ATP8A2: variants seen among roughly 807,000 people sequenced by gnomAD.
ATP8A2 encodes ATPase phospholipid transporting 8A2.
In ATP8A2, 100 loss-of-function variants were observed where a neutral mutation model predicts 165.6. The ratio of observed to expected loss-of-function variants is 0.60; its 90% CI spans 0.51 to 0.71. ATP8A2 has a LOEUF of 0.71. Ranked by LOEUF, ATP8A2 falls within the 30% of genes least tolerant of loss-of-function variation. ATP8A2 has a pLI of 0.00. For synonymous variants in ATP8A2, 543 were observed against 548.8 expected, an observed-to-expected ratio of 0.99 and a Z score of 0.15; for missense variants, 1,227 against 1,479.5, an observed-to-expected ratio of 0.83 and a Z score of 2.80.
chr13:25,868,650 G>A lies in ATP8A2; in HGVS notation c.3183+6242G>A, dbSNP rs616613. ...CATCTGAATGCAAAGCACAATGAGC[G>A]AAGTTAAGACAGTACCGACTTCCTG... On this transcript the variant is annotated intron_variant, in intron 33 of 36. Transcript: ENST00000381655. Among the ~76,000 whole-genome samples the A allele has an allele frequency of 4.1e-3, 619 of 152,278 alleles. 1 individual carries two copies. Among genetic ancestry groups the A allele is most frequent in the African/African-American group, 0.014 (593 of 41,564 alleles).
Position 25,830,455 on chromosome 13 carries a change from G to A in ATP8A2, c.2754+2263G>A, listed in dbSNP as rs544033447. On this transcript the variant is annotated intron_variant, in intron 28 of 36. Coordinates refer to ENST00000381655, the MANE Select transcript of ATP8A2 (RefSeq NM_016529.6). Reference sequence around the variant, plus strand: ...GGTTACCACTGAGTCCACAGTGCAGGCATTGAAGTGGGCTGCCAGTGAGTG... The same window carrying A: ...GGTTACCACTGAGTCCACAGTGCAGACATTGAAGTGGGCTGCCAGTGAGTG... 7.2e-5 allele frequency among the ~76,000 whole-genome samples: 11 copies of A among 152,224 alleles called. No homozygotes were observed. The South Asian group carries it at 2.3e-3, about 32-fold the overall frequency.
chr13:25,402,326 C>A (rs989186902), intron 1 of ATP8A2, among the ~76,000 whole-genome samples: 1 of 152,148 alleles, frequency 6.6e-6, no homozygotes, highest in Non-Finnish European at 1.5e-5. Context: ...GAAAGCAAAA[C>A]GGTGGGTCAA....
At chr13:25,606,573 G>A (rs370597278) in intron 24 of ATP8A2, among the ~76,000 whole-genome samples, 3 of 152,172 alleles carry the variant, frequency 2.0e-5, no homozygotes, top group African/African-American at 7.2e-5. Context: ...TAAGCCTACT[G>A]GAAAGTATTT....
intron 33 of ATP8A2, among the ~76,000 whole-genome samples, chr13:25,917,655 T>C (rs1011865866): frequency 2.0e-5 from 3 of 152,238 alleles, no homozygotes; most frequent in Non-Finnish European, 4.4e-5. Flanking sequence ...CTGGTGGCTA[T>C]AACAATTACA....
At chr13:25,632,775 A>G (rs539472252) in intron 24 of ATP8A2, among the ~76,000 whole-genome samples, 1 of 152,194 alleles carries the variant, frequency 6.6e-6, no homozygotes, top group East Asian at 1.9e-4. Context: ...AGGAAGATTG[A>G]CAGTCTGCGT....
At chr13:25,472,675 G>A (rs910270978) in intron 2 of ATP8A2, among the ~76,000 whole-genome samples, 1 of 152,158 alleles carries the variant, frequency 6.6e-6, no homozygotes, top group Admixed American at 6.5e-5. Flanking sequence ...GCAGGGCATG[G>A]AGAGTTTATC....
At chr13:25,972,514 G>T (rs953905046) in intron 35 of ATP8A2, among the ~76,000 whole-genome samples, 4 of 152,206 alleles carry the variant, frequency 2.6e-5, no homozygotes, top group African/African-American at 9.6e-5. Flanking sequence ...ACGATGTGGT[G>T]TTTGTGCGCC....
chr13:25,998,746 C>T (rs1037283903), intron 35 of ATP8A2, among the ~76,000 whole-genome samples: 97 of 152,196 alleles, frequency 6.4e-4, no homozygotes, highest in African/African-American at 2.2e-3. Context: ...ATTTTTGGAA[C>T]GGAATTTGTA....
intron 2 of ATP8A2, among the ~76,000 whole-genome samples, chr13:25,507,055 A>G (rs2037066567): frequency 6.6e-6 from 1 of 151,518 alleles, no homozygotes; most frequent in Non-Finnish European, 1.5e-5. Flanking sequence ...TTGGTAAGGA[A>G]TAATACTGTG....
At chr13:25,762,342 A>G (rs9551221) in intron 25 of ATP8A2, among the ~76,000 whole-genome samples, 19,860 of 145,150 alleles carry the variant, frequency 0.14, 1,555 homozygotes, top group East Asian at 0.39. Context: ...TTTGTAGAAA[A>G]TAGAATCAAG....
intron 1 of ATP8A2, among the ~76,000 whole-genome samples, chr13:25,457,171 C>G (rs570909959): frequency 2.5e-4 from 38 of 152,334 alleles, no homozygotes; most frequent in Non-Finnish European, 4.1e-4. Context: ...AGTACCATCA[C>G]TGCTACCACC....
In ATP8A2 at chr13:25,968,752, T is replaced by A. The variant is rs1955845650; in HGVS notation, c.3377+73T>A. On this transcript the variant is annotated intron_variant, in intron 35 of 36. Transcript: ENST00000381655. Reference sequence around the variant, plus strand: ...CTTTTCCCTTATTCCTTCCTGTATTTCTTTTTCTCATCTTGGTTTTCGATG... The same window carrying A: ...CTTTTCCCTTATTCCTTCCTGTATTACTTTTTCTCATCTTGGTTTTCGATG... The A allele has an allele frequency of 6.4e-6, 8 of 1,255,492 alleles. No individual in the cohort carries two copies. In the Admixed American group the frequency reaches 1.6e-4, roughly 25 times the overall value. The allele number at this position is 1,255,492 out of a possible 1,614,324, so 77.8% of individuals were successfully genotyped here.
chr13:25,999,049 CA>C (rs746629121), intron 35 of ATP8A2, among the ~76,000 whole-genome samples: 13 of 152,100 alleles, frequency 8.5e-5, no homozygotes, highest in Non-Finnish European at 1.3e-4. Flanking sequence ...AGACACGAGA[CA>C]AATGGTGAAG....
At chr13:25,988,699 A>G (rs1018806265) in intron 35 of ATP8A2, among the ~76,000 whole-genome samples, 1 of 152,296 alleles carries the variant, frequency 6.6e-6, no homozygotes, top group African/African-American at 2.4e-5. Flanking sequence ...CTTATTTCCA[A>G]AAGGACTCCA....
At chr13:25,485,674 C>T (rs2036330147) in intron 2 of ATP8A2, among the ~76,000 whole-genome samples, 1 of 152,158 alleles carries the variant, frequency 6.6e-6, no homozygotes, top group South Asian at 2.1e-4. Context: ...AAGTGGCAGT[C>T]GACCCATAAC....
chr13:25,772,220 G>T (rs1161142757), intron 26 of ATP8A2, among the ~76,000 whole-genome samples: 1 of 152,014 alleles, frequency 6.6e-6, no homozygotes, highest in African/African-American at 2.4e-5. Context: ...AATCATTCCT[G>T]CCCCCTGCCC....
chr13:25,806,910 C>T (rs1950752975), intron 27 of ATP8A2, among the ~76,000 whole-genome samples: 1 of 152,062 alleles, frequency 6.6e-6, no homozygotes, highest in Non-Finnish European at 1.5e-5. Context: ...GTTTTGGTTT[C>T]CATTTCCATG....
At position 25,599,165 on chromosome 13, in the gene ATP8A2, A is replaced by G. The variant is rs970016865; in HGVS notation, c.2211+9466A>G. Among the ~76,000 whole-genome samples the G allele has an allele frequency of 3.3e-5, 5 of 152,220 alleles. No individual in the cohort carries two copies. The East Asian group carries it at 9.6e-4, about 29-fold the overall frequency. On this transcript the variant is annotated intron_variant, in intron 24 of 36. Coordinates refer to ENST00000381655, the MANE Select transcript of ATP8A2 (RefSeq NM_016529.6). ...TCCCTGTACATGTGCATAAATTAGC[A>G]TTTGCTTAAAGAGCCAAGGGGACCC...
intron 1 of ATP8A2, among the ~76,000 whole-genome samples, chr13:25,452,266 C>A (rs2035249240): frequency 6.6e-6 from 1 of 152,244 alleles, no homozygotes; most frequent in South Asian, 2.1e-4. Context: ...CGGGTGACCA[C>A]CCACATTCCC....
Sources: gnomAD v4.1 joint callset for allele counts (sites outside exome capture counted in the v4.1 genomes callset) on GRCh38, gnomAD v4.1.1 for gene constraint, MANE v1.5 for transcripts, NCBI Gene and HGNC (gene_info 2026-07-23, HGNC 2026-07-21) for gene names.